The following GPC5 variants were observed in gnomAD, a reference collection of about 807,000 sequenced individuals.
GPC5 encodes the protein glypican-5.
A neutral mutation model predicts 53.9 loss-of-function variants in GPC5; 47 were observed. That is an observed-to-expected ratio of 0.87 (90% CI 0.69 to 1.11). The LOEUF is 1.11. Among genes scored for constraint, GPC5 ranks in the 50% most tolerant of loss-of-function variants. The pLI is 0.00. For synonymous variants in GPC5, 286 were observed against 263.3 expected (o/e 1.09, Z -0.84); for missense variants, 748 against 713.1 (o/e 1.05, Z -0.56).
At chr13:92,408,935 C>T (rs114119962) in intron 7 of GPC5, among the ~76,000 whole-genome samples, 1,614 of 151,954 alleles carry the variant, frequency 0.011, 27 homozygotes, top group African/African-American at 0.036. Flanking sequence ...ATTAGATTAC[C>T]AAACAGTCTT....
chr13:91,650,765 T>TTTTTTTTTTTTTTTTTTTTTTTG (rs2034687487), intron 2 of GPC5, among the ~76,000 whole-genome samples: 1 of 149,964 alleles, frequency 6.7e-6, no homozygotes, highest in African/African-American at 2.5e-5. Flanking sequence ...TTTTTTTTTT[T>TTTTTTTTTTTTTTTTTTTTTTTG]TTTTTTTAGC....
intron 2 of GPC5, among the ~76,000 whole-genome samples, chr13:91,657,278 G>T (rs899373797): frequency 2.0e-5 from 3 of 152,086 alleles, no homozygotes; most frequent in African/African-American, 7.2e-5. Context: ...CTTCGAAATG[G>T]AGTGATGAGA....
At chr13:92,656,170 A>G (rs1203146138) in intron 7 of GPC5, among the ~76,000 whole-genome samples, 3 of 152,224 alleles carry the variant, frequency 2.0e-5, no homozygotes, top group Non-Finnish European at 4.4e-5. Context: ...GTTGTTTAGA[A>G]AACAGCACAG....
At chr13:92,381,846 TGA>T in intron 7 of GPC5, among the ~76,000 whole-genome samples, 1 of 93,298 alleles carries the variant, frequency 1.1e-5, no homozygotes, top group Admixed American at 1.1e-4. Flanking sequence ...ATATTGTATA[TGA>T]TCATATATGA....
At chr13:92,497,144 A>G (rs1880009491) in intron 7 of GPC5, among the ~76,000 whole-genome samples, 1 of 152,066 alleles carries the variant, frequency 6.6e-6, no homozygotes, top group South Asian at 2.1e-4. Flanking sequence ...TTTTGTTGCA[A>G]TTGCTTTTGG....
chr13:92,768,550 A>T (rs1053992704), intron 7 of GPC5, among the ~76,000 whole-genome samples: 11 of 152,292 alleles, frequency 7.2e-5, no homozygotes, highest in South Asian at 4.1e-4. Context: ...TTCAAGCATG[A>T]CATTTTATTG....
At chr13:92,254,979 A>C (rs2042717491) in intron 7 of GPC5, among the ~76,000 whole-genome samples, 1 of 152,222 alleles carries the variant, frequency 6.6e-6, no homozygotes. Context: ...AAAAGACCCC[A>C]AAATAATAAT....
intron 3 of GPC5, chr13:91,724,950 G>T (rs1566639293): frequency 6.6e-6 from 1 of 152,198 alleles, no homozygotes; most frequent in Non-Finnish European, 1.5e-5. Flanking sequence ...TCTTTACAAA[G>T]TTTTTTTGTA....
intron 7 of GPC5, among the ~76,000 whole-genome samples, chr13:92,820,511 A>C (rs1376468025): frequency 6.6e-6 from 1 of 151,454 alleles, no homozygotes; most frequent in Admixed American, 6.6e-5. Context: ...TCACTCTTAA[A>C]CTCCTTTAGT....
At chr13:92,403,490 C>T (rs899999961) in intron 7 of GPC5, among the ~76,000 whole-genome samples, 1 of 152,154 alleles carries the variant, frequency 6.6e-6, no homozygotes, top group South Asian at 2.1e-4. Context: ...GGAACACAAA[C>T]CCTATTGTGA....
At chr13:91,653,071 G>T (rs1349704221) in intron 2 of GPC5, among the ~76,000 whole-genome samples, 1 of 152,180 alleles carries the variant, frequency 6.6e-6, no homozygotes, top group Non-Finnish European at 1.5e-5. Context: ...ACATTTTTCA[G>T]TTTGTCTGAT....
chr13:91,538,830 GC>G (rs370352129), intron 2 of GPC5, among the ~76,000 whole-genome samples: 11,748 of 130,952 alleles, frequency 0.09, 550 homozygotes, highest in Middle Eastern at 0.15. Context: ...GGTCCACCCC[GC>G]CCCCCCCTCA....
chr13:92,525,085 T>TGA lies in GPC5; in HGVS notation c.1562-341196_1562-341195dup, dbSNP rs572538737. On this transcript the variant is annotated intron_variant, in intron 7 of 7. Coordinates refer to ENST00000377067, the MANE Select transcript of GPC5 (RefSeq NM_004466.6). ...AAGTGATTATTAAAGCAGCTATGAC[T>TGA]GAAAGGCCATACCATCGCATGGCAC... 2.0e-3 allele frequency among the ~76,000 whole-genome samples: 310 copies of TGA among 152,222 alleles called. 8 individuals carry two copies. The highest frequency in any genetic ancestry group is 0.019 in the Admixed American group (285 of 15,262).
At chr13:92,300,299 G>A (rs76343712) in intron 7 of GPC5, among the ~76,000 whole-genome samples, 1 of 152,030 alleles carries the variant, frequency 6.6e-6, no homozygotes, top group Non-Finnish European at 1.5e-5. Flanking sequence ...GAGAGTTTGG[G>A]TTCTCTCCAA....
intron 2 of GPC5, among the ~76,000 whole-genome samples, chr13:91,619,564 T>A (rs1001070701): frequency 5.9e-5 from 9 of 152,138 alleles, no homozygotes; most frequent in Non-Finnish European, 7.4e-5. Flanking sequence ...AGTATCATTT[T>A]ACTTTTCAAC....
intron 6 of GPC5, among the ~76,000 whole-genome samples, chr13:92,070,963 A>C (rs527748595): frequency 6.6e-6 from 1 of 152,172 alleles, no homozygotes; most frequent in Admixed American, 6.5e-5. Context: ...GTTGGCCAGG[A>C]GTGGTGGCTC....
chr13:91,684,037 G>T (rs773710736), intron 2 of GPC5, among the ~76,000 whole-genome samples: 1 of 152,112 alleles, frequency 6.6e-6, no homozygotes, highest in Non-Finnish European at 1.5e-5. Flanking sequence ...CATCTCAGTT[G>T]CCCTTTTAAT....
At chr13:92,039,916 A>G (rs77975614) in intron 6 of GPC5, among the ~76,000 whole-genome samples, 5,650 of 152,214 alleles carry the variant, frequency 0.037, 146 homozygotes, top group Middle Eastern at 0.054. Context: ...TTGGGTTAGG[A>G]CTTCAACACG....
At chr13:92,487,988 G>T (rs538399289) in intron 7 of GPC5, among the ~76,000 whole-genome samples, 5 of 152,086 alleles carry the variant, frequency 3.3e-5, no homozygotes, top group African/African-American at 1.2e-4. Flanking sequence ...TTCTTGATTA[G>T]GGTGTTTATG....
Sources: allele counts gnomAD v4.1 joint callset (sites outside exome capture counted in the v4.1 genomes callset), GRCh38; gene constraint gnomAD v4.1.1; transcripts MANE v1.5; gene names NCBI Gene and HGNC (gene_info 2026-07-23, HGNC 2026-07-21).